The following F13A1 variants were observed in gnomAD, a reference collection of about 807,000 sequenced individuals.
F13A1 encodes the protein FSF, A subunit.
A neutral mutation model predicts 80.1 loss-of-function variants in F13A1; 47 were observed. The observed-to-expected ratio is 0.59, with a 90% CI of 0.46 to 0.75. The LOEUF (loss-of-function observed/expected upper bound fraction) is 0.75. Ranked by LOEUF, F13A1 falls within the 30% of genes least tolerant of loss-of-function variation. The pLI is 0.00. For missense variants in F13A1, 817 were observed against 930.4 expected (o/e 0.88, Z 1.59); for synonymous variants, 349 against 344.9 (o/e 1.01, Z -0.13).
intron 8 of F13A1, among the ~76,000 whole-genome samples, chr6:6,217,699 A>T (rs1012945667): frequency 6.6e-6 from 1 of 152,032 alleles, no homozygotes; most frequent in African/African-American, 2.4e-5. Context: ...AATAAAAATA[A>T]AAATAAAATA....
rs1441674093 is a variant in F13A1 at position 6,243,619 on chromosome 6, T to C, written c.798+4693A>G. 6.6e-6 allele frequency among the ~76,000 whole-genome samples: 1 copy of C among 152,226 alleles called. No individual in the cohort carries two copies. Among genetic ancestry groups the C allele is most frequent in the Non-Finnish European group, 1.5e-5 (1 of 68,046 alleles). On this transcript the variant is annotated intron_variant, in intron 6 of 14. Transcript: ENST00000264870. This position sits in a 1 kb window ranked among gnomAD's most constrained non-coding sequence, Gnocchi z 4.2. ...CAATAACGTGTTGATAGTGGCCCTCTAAGGTAATATGATCTGAGAGTAAGG... is the reference window on the plus strand; with the variant it reads ...CAATAACGTGTTGATAGTGGCCCTCCAAGGTAATATGATCTGAGAGTAAGG...
intron 3 of F13A1, among the ~76,000 whole-genome samples, chr6:6,279,664 C>A (rs903400257): frequency 3.9e-5 from 6 of 152,176 alleles, no homozygotes; most frequent in African/African-American, 1.2e-4. Context: ...CCTACAGCAA[C>A]TGAATTTCCC....
intron 1 of F13A1, among the ~76,000 whole-genome samples, 173 bp from the exon 2 acceptor site, chr6:6,318,855 A>C (rs1583131464): frequency 6.6e-6 from 1 of 152,214 alleles, no homozygotes; most frequent in East Asian, 1.9e-4. Flanking sequence ...GGATTAGTCT[A>C]ATGATGGAAT....
Position 6,320,603 on chromosome 6 carries a change from CCAGAGGTG to C in F13A1, c.-43_-36del. ...GTGGCTTACCTGCAGGCGCTCCCCTCCAGAGGTGCCCTCGCGTGGGCTTGCTCTGTGCG... is the reference window on the plus strand; with the variant it reads ...GTGGCTTACCTGCAGGCGCTCCCCTCCCCTCGCGTGGGCTTGCTCTGTGCG... On this transcript the variant is annotated 5_prime_UTR_variant, in exon 1 of 15. Coordinates refer to ENST00000264870, the MANE Select transcript of F13A1 (RefSeq NM_000129.4). The C allele has an allele frequency of 2.1e-6, 1 of 470,018 alleles. No individual in the cohort carries two copies. Among genetic ancestry groups the C allele is most frequent in the Non-Finnish European group, 4.4e-6 (1 of 226,470 alleles). The allele number at this position is 470,018 out of a possible 1,614,324, so 29.1% of individuals were successfully genotyped here.
At chr6:6,156,869 C>T (rs541870135) in intron 13 of F13A1, among the ~76,000 whole-genome samples, 1 of 152,334 alleles carries the variant, frequency 6.6e-6, no homozygotes, top group African/African-American at 2.4e-5. Flanking sequence ...TGGCTCGTGG[C>T]TACTGCATTG....
intron 3 of F13A1, chr6:6,305,069 C>A: frequency 2.1e-6 from 1 of 476,192 alleles, no homozygotes; most frequent in Non-Finnish European, 3.9e-6. Context: ...CATAGGATGC[C>A]AAAACCATTT....
At chr6:6,318,749 G>T in intron 1 of F13A1, 67 bp from the exon 2 acceptor site, 1 of 1,532,148 alleles carries the variant, frequency 6.5e-7, no homozygotes. Context: ...TTGAGACAAG[G>T]ATTCCAAAAT....
rs1391076924 is a variant in F13A1, at chr6:6,298,265, C to T, written c.319+7086G>A. Among the ~76,000 whole-genome samples, 14 of 146,864 alleles carry T rather than the reference C, an allele frequency of 9.5e-5. No homozygotes were observed. The East Asian group carries it at 9.8e-4, about 10-fold the overall frequency. On this transcript the variant is annotated intron_variant, in intron 3 of 14. Transcript: ENST00000264870. ...GAGTTCTGTAGATGTCTATTAGGTC[C>T]GCTTGGTGCAGAGCTGAGTTCAATT...
At chr6:6,181,895 C>T in intron 11 of F13A1, 93 bp downstream of exon 11, 2 of 1,384,074 alleles carry the variant, frequency 1.4e-6, no homozygotes, top group Non-Finnish European at 2.1e-6. Context: ...CTGCAAATGC[C>T]AGTGCATTCT....
intron 3 of F13A1, among the ~76,000 whole-genome samples, chr6:6,283,459 C>A (rs1386332605): frequency 6.6e-6 from 1 of 152,124 alleles, no homozygotes; most frequent in Admixed American, 6.5e-5. Context: ...AATGTCTTTG[C>A]TCATAGGTAG....
chr6:6,224,991 T>G (rs984606645), intron 6 of F13A1, 131 bp from the exon 7 acceptor site: 8 of 958,862 alleles, frequency 8.3e-6, no homozygotes, highest in South Asian at 1.4e-5. Context: ...GTTCCACTTC[T>G]GTTCGGTTTA....
chr6:6,222,208 C>T, intron 7 of F13A1, 37 bp from the exon 8 acceptor site: 1 of 1,613,332 alleles, frequency 6.2e-7, no homozygotes, highest in Non-Finnish European at 8.5e-7. Context: ...AACACATCAC[C>T]AGCATTTAAT....
intron 3 of F13A1, among the ~76,000 whole-genome samples, chr6:6,298,349 G>A (rs1318311783): frequency 3.3e-4 from 50 of 149,798 alleles, no homozygotes; most frequent in African/African-American, 1.2e-3. Context: ...ACAGTGGGGT[G>A]TTAAAGCCTC....
intron 1 of F13A1, among the ~76,000 whole-genome samples, chr6:6,319,391 A>G (rs1758736402): frequency 6.6e-6 from 1 of 152,226 alleles, no homozygotes; most frequent in Non-Finnish European, 1.5e-5. Context: ...GAGGTTGGGC[A>G]TGCAATTTTC....
rs2274394 is a variant in F13A1 at position 6,151,978 on chromosome 6, C to G, written c.1909-29G>C. The G allele has an allele frequency of 0.22, 357,954 of 1,611,346 alleles. 40,603 individuals carry two copies. Among genetic ancestry groups the G allele is most frequent in the Middle Eastern group, 0.3 (1,792 of 6,048 alleles). On this transcript the variant is annotated intron_variant, in intron 13 of 14. Transcript: ENST00000264870. ...AGAGAGAGAATGCAGGTCATTAGCA[C>G]CAAATAAAACCTCGTTCTGCTCTCT...
chr6:6,189,724 G>T (rs1473047026), intron 10 of F13A1, among the ~76,000 whole-genome samples: 48 of 147,160 alleles, frequency 3.3e-4, no homozygotes, highest in Non-Finnish European at 5.1e-4. Context: ...TTCTCGAGGA[G>T]TATCTTTGTG....
At chr6:6,319,126 C>T (rs3024318) in intron 1 of F13A1, among the ~76,000 whole-genome samples, 68,747 of 152,086 alleles carry the variant, frequency 0.45, 16,273 homozygotes, top group East Asian at 0.76. Context: ...CATGTCCAGA[C>T]AAATGTTGTC....
intron 4 of F13A1, among the ~76,000 whole-genome samples, chr6:6,251,201 G>T (rs535483272): frequency 1.3e-5 from 2 of 152,294 alleles, no homozygotes; most frequent in Admixed American, 6.5e-5. Context: ...GAATTAAATT[G>T]ATATGTCTCA....
chr6:6,316,243 A>T lies in F13A1; in HGVS notation c.130+2292T>A, dbSNP rs534888136. 2.0e-5 allele frequency among the ~76,000 whole-genome samples: 3 copies of T among 149,380 alleles called. No homozygotes were observed. The South Asian group carries it at 6.4e-4, about 32-fold the overall frequency. ...GTAACACTTATCTTGTCTGTGAAAAATATTAAATGAATGCATATGTATGAA... is the reference window on the plus strand; with the variant it reads ...GTAACACTTATCTTGTCTGTGAAAATTATTAAATGAATGCATATGTATGAA... On this transcript the variant is annotated intron_variant, in intron 2 of 14. Coordinates refer to ENST00000264870, the MANE Select transcript of F13A1 (RefSeq NM_000129.4).
Sources: gnomAD v4.1 joint callset for allele counts (sites outside exome capture counted in the v4.1 genomes callset) on GRCh38, gnomAD v4.1.1 for gene constraint, Gnocchi (gnomAD v3.1) non-coding constraint, MANE v1.5 for transcripts, NCBI Gene and HGNC (gene_info 2026-07-23, HGNC 2026-07-21) for gene names.